MYO1D: variants seen among roughly 807,000 people sequenced by gnomAD.
The protein encoded by MYO1D is myosin ID, also known as unconventional myosin-Id.
In MYO1D, 83 loss-of-function variants were observed where a neutral mutation model predicts 122.0. The ratio of observed to expected loss-of-function variants is 0.68; its 90% CI spans 0.57 to 0.82. The LOEUF (loss-of-function observed/expected upper bound fraction) is 0.82. Ranked by LOEUF, MYO1D falls within the 40% of genes least tolerant of loss-of-function variation. The pLI, the probability that MYO1D is intolerant of heterozygous loss-of-function variation, is 0.00. For synonymous variants in MYO1D, 464 were observed against 446.9 expected, an observed-to-expected ratio of 1.04 and a Z score of -0.48; for missense variants, 1,157 against 1,269.5, an observed-to-expected ratio of 0.91 and a Z score of 1.35.
intron 4 of MYO1D, among the ~76,000 whole-genome samples, chr17:32,774,190 T>C (rs1007478250): frequency 1.3e-5 from 2 of 152,208 alleles, no homozygotes; most frequent in African/African-American, 4.8e-5. Flanking sequence ...GCTAAAGGCA[T>C]AGTCAAGGTT....
At chr17:32,751,067 TTTTC>T (rs2089893798) in intron 11 of MYO1D, among the ~76,000 whole-genome samples, 1 of 152,102 alleles carries the variant, frequency 6.6e-6, no homozygotes, top group Admixed American at 6.5e-5. Context: ...GGTTTTAGAT[TTTTC>T]TTTATTTTTT....
intron 16 of MYO1D, among the ~76,000 whole-genome samples, chr17:32,697,811 A>C (rs1362736359): frequency 2.0e-5 from 3 of 152,250 alleles, no homozygotes; most frequent in Non-Finnish European, 4.4e-5. Flanking sequence ...GCTATTTAAT[A>C]AAGCAATTTT....
intron 21 of MYO1D, among the ~76,000 whole-genome samples, chr17:32,556,886 G>A (rs558322162): frequency 2.9e-4 from 44 of 152,202 alleles, no homozygotes; most frequent in Non-Finnish European, 5.4e-4. Flanking sequence ...GGAATTTACA[G>A]GCTCTTTGTG....
chr17:32,606,230 A>G (rs1349934748), intron 20 of MYO1D, among the ~76,000 whole-genome samples: 1 of 152,248 alleles, frequency 6.6e-6, no homozygotes, highest in Non-Finnish European at 1.5e-5. Flanking sequence ...TGAAAAAGAA[A>G]ATTCTAGTCC....
chr17:32,694,650 G>A (rs1038513722), intron 16 of MYO1D, among the ~76,000 whole-genome samples: 3 of 136,024 alleles, frequency 2.2e-5, no homozygotes, highest in Non-Finnish European at 4.6e-5. Context: ...GCAGTGAGCC[G>A]AGATTGCGCC....
chr17:32,862,038 A>C (rs1322870510), intron 1 of MYO1D, among the ~76,000 whole-genome samples: 1 of 151,704 alleles, frequency 6.6e-6, no homozygotes, highest in African/African-American at 2.4e-5. Flanking sequence ...TAATCAATAA[A>C]AGTTATGTCT....
At chr17:32,610,289 G>A (rs968950120) in intron 20 of MYO1D, among the ~76,000 whole-genome samples, 3 of 152,174 alleles carry the variant, frequency 2.0e-5, no homozygotes, top group Non-Finnish European at 4.4e-5. Context: ...TGTCTAGGTG[G>A]CTTTATCTGC....
At chr17:32,764,744 G>T in intron 8 of MYO1D, 134 bp downstream of exon 8, 1 of 940,210 alleles carries the variant, frequency 1.1e-6, no homozygotes, top group Non-Finnish European at 1.6e-6. Flanking sequence ...AGGCTTGTAT[G>T]GCCAGAAAGT....
At chr17:32,667,860 C>T (rs1312357930) in intron 16 of MYO1D, among the ~76,000 whole-genome samples, 1 of 152,196 alleles carries the variant, frequency 6.6e-6, no homozygotes, top group Non-Finnish European at 1.5e-5. Flanking sequence ...GATTTCTTCA[C>T]TATGATGATG....
chr17:32,719,480 A>G (rs1482823670), intron 15 of MYO1D, among the ~76,000 whole-genome samples: 1 of 151,722 alleles, frequency 6.6e-6, no homozygotes, highest in East Asian at 1.9e-4. Flanking sequence ...CTCCCCGAGT[A>G]GCTGGGACTA....
chr17:32,651,673 AC>A, intron 19 of MYO1D, among the ~76,000 whole-genome samples: 1 of 116,984 alleles, frequency 8.5e-6, no homozygotes, highest in East Asian at 2.5e-4. Flanking sequence ...TCTTTTTCCC[AC>A]TTTTTTTTTT....
chr17:32,828,511 G>A (rs12373122), intron 1 of MYO1D, among the ~76,000 whole-genome samples: 54,000 of 121,872 alleles, frequency 0.44, 11,197 homozygotes, highest in East Asian at 0.57. Flanking sequence ...GCGAGACTCC[G>A]TCTCAAAAAA....
At chr17:32,560,496 T>A in intron 21 of MYO1D, among the ~76,000 whole-genome samples, 1 of 102,528 alleles carries the variant, frequency 9.8e-6, no homozygotes, top group Non-Finnish European at 2.0e-5. Context: ...ATGGAGATAT[T>A]TAAGTAAAAA....
intron 13 of MYO1D, among the ~76,000 whole-genome samples, chr17:32,739,962 C>A (rs905506835): frequency 2.6e-4 from 39 of 152,230 alleles, no homozygotes; most frequent in African/African-American, 9.2e-4. Flanking sequence ...AAAGTGGCTA[C>A]AAAATGCTGC....
At chr17:32,714,165 T>C (rs1388975993) in intron 15 of MYO1D, among the ~76,000 whole-genome samples, 1 of 152,032 alleles carries the variant, frequency 6.6e-6, no homozygotes, top group Non-Finnish European at 1.5e-5. Flanking sequence ...ATCAGCCCAT[T>C]ACCTAGGTAT....
intron 21 of MYO1D, among the ~76,000 whole-genome samples, chr17:32,546,055 C>G (rs1239772730): frequency 6.6e-6 from 1 of 152,058 alleles, no homozygotes; most frequent in African/African-American, 2.4e-5. Flanking sequence ...GCCACTGAGG[C>G]CTTGCCAGAC....
rs144592183 is a variant in MYO1D, at chr17:32,725,402, C to T, written c.1747-4213G>A. Among the ~76,000 whole-genome samples, 15 of 152,080 alleles carry T rather than the reference C, an allele frequency of 9.9e-5. No homozygotes were observed. The East Asian group carries it at 2.3e-3, about 23-fold the overall frequency. ...GGGCATGGTGGCACGCTCCTGTAAT[C>T]CCAGTTTACTCAGGAGGCTGAGGCA... On this transcript the variant is annotated intron_variant, in intron 14 of 21. Transcript: ENST00000318217.
intron 1 of MYO1D, among the ~76,000 whole-genome samples, chr17:32,813,498 G>A (rs538857630): frequency 6.6e-6 from 1 of 152,168 alleles, no homozygotes; most frequent in Non-Finnish European, 1.5e-5. Context: ...GGGTGGAGGA[G>A]GAGGAGTGGG....
chr17:32,805,765 G>A (rs1470209469), intron 1 of MYO1D, among the ~76,000 whole-genome samples: 1 of 152,132 alleles, frequency 6.6e-6, no homozygotes, highest in Non-Finnish European at 1.5e-5. Context: ...GTTCAAAGAA[G>A]CACTGCTCTT....
Sources: gnomAD v4.1 joint callset for allele counts (sites outside exome capture counted in the v4.1 genomes callset) on GRCh38, gnomAD v4.1.1 for gene constraint, MANE v1.5 for transcripts, NCBI Gene and HGNC (gene_info 2026-07-23, HGNC 2026-07-21) for gene names.